The following TTYH3 variants were observed in gnomAD, a reference collection of about 807,000 sequenced individuals.
TTYH3 encodes protein tweety homolog 3.
In TTYH3, 23 loss-of-function variants were observed where a neutral mutation model predicts 68.2. The observed-to-expected ratio is 0.34, with a 90% confidence interval of 0.24 to 0.48. TTYH3 has a LOEUF of 0.48. Ranked by LOEUF, TTYH3 falls within the 20% of genes least tolerant of loss-of-function variation. The pLI is 0.99. For synonymous variants in TTYH3, 360 were observed against 332.8 expected, an observed-to-expected ratio of 1.08 and a Z score of -0.89; for missense variants, 768 against 727.7, an observed-to-expected ratio of 1.06 and a Z score of -0.64.
At position 2,649,712 on chromosome 7, in the gene TTYH3, C is replaced by T. The variant is rs1786108737; in HGVS notation, c.795+73C>T. ...GGGGGAGGGACGAGGGGAAGCCACA[C>T]TCCTCTCCCCTCCCATCTTCCCGGG... On this transcript the variant is annotated intron_variant, in intron 6 of 13. Transcript: ENST00000258796. 5 of 1,521,878 alleles carry T rather than the reference C, an allele frequency of 3.3e-6. No homozygotes were observed. In the South Asian group the frequency reaches 4.7e-5, roughly 14 times the overall value. The allele number at this position is 1,521,878 out of a possible 1,614,324, so 94.3% of individuals were successfully genotyped here.
intron 5 of TTYH3, among the ~76,000 whole-genome samples, chr7:2,649,326 C>T (rs368232948): frequency 5.3e-5 from 8 of 152,130 alleles, no homozygotes; most frequent in Admixed American, 3.9e-4. Flanking sequence ...CCAAGAGCCA[C>T]GTGGCCCTCC....
chr7:2,661,844 G>GGT lies in TTYH3; in HGVS notation c.*105_*106insGT. On this transcript the variant is annotated 3_prime_UTR_variant, in exon 14 of 14. Transcript: ENST00000258796. ...ACCGGACCCTCGCACGCCGTGCCAG[G>GGT]CCTGCCCCAGACGCGTCTGCAGGCC... The GGT allele has an allele frequency of 7.8e-7, 1 of 1,287,118 alleles. No homozygotes were observed. 79.7% of individuals were successfully genotyped at this position (1,287,118 alleles called of 1,614,324 possible).
At position 2,632,162 on chromosome 7, in the gene TTYH3, G is replaced by A; in HGVS notation, c.7G>A (p.Gly3Arg). MA[G>R]VSYAAPWWVS... ...GAGGCGGCCGGGCCCCGCCATGGCC[G>A]GGGTCAGCTACGCGGCGCCCTGGTG... The change falls in exon 1 of 14, where the codon GGG becomes AGG. Residue 3 changes from glycine (G) to arginine (R), a missense_variant. Coordinates refer to ENST00000258796, the MANE Select transcript of TTYH3 (RefSeq NM_025250.3). 1 of 1,458,412 alleles carries A rather than the reference G, an allele frequency of 6.9e-7. No homozygotes were observed. The highest frequency in any genetic ancestry group is 9.1e-7 in the Non-Finnish European group (1 of 1,094,672). 90.3% of individuals were successfully genotyped at this position (1,458,412 alleles called of 1,614,324 possible).
At chr7:2,653,551 C>G (rs1472124677) in intron 9 of TTYH3, among the ~76,000 whole-genome samples, 1 of 152,046 alleles carries the variant, frequency 6.6e-6, no homozygotes, top group African/African-American at 2.4e-5. Context: ...GGCATTTCTA[C>G]ATTACAATAT....
chr7:2,663,657 C>G lies in TTYH3; in HGVS notation c.*1918C>G, dbSNP rs1360062424. 6.6e-6 allele frequency: 1 copy of G among 152,644 alleles called. No homozygotes were observed. Among genetic ancestry groups the G allele is most frequent in the African/African-American group, 2.4e-5 (1 of 41,470 alleles). 9.5% of individuals were successfully genotyped at this position (152,644 alleles called of 1,614,324 possible). On this transcript the variant is annotated 3_prime_UTR_variant, in exon 14 of 14. Transcript: ENST00000258796. ...CCTAGGGCCAGGAGAGAGGCCCTGG[C>G]ACCCTGGCGTGGGTGCCCGCCAAAC...
At chr7:2,634,047 C>T (rs1288285114) in intron 1 of TTYH3, among the ~76,000 whole-genome samples, 1 of 152,220 alleles carries the variant, frequency 6.6e-6, no homozygotes, top group Non-Finnish European at 1.5e-5. Context: ...CTGCCCTGCG[C>T]TCTGCTCTGC....
chr7:2,641,710 T>C (rs914521681), intron 1 of TTYH3, among the ~76,000 whole-genome samples: 7 of 152,166 alleles, frequency 4.6e-5, no homozygotes, highest in African/African-American at 1.4e-4. Flanking sequence ...TGGGCCACCG[T>C]AGGAATGCCG....
chr7:2,643,534 TAGC>T (rs1022877109), intron 1 of TTYH3, among the ~76,000 whole-genome samples: 47 of 152,142 alleles, frequency 3.1e-4, no homozygotes, highest in African/African-American at 1.1e-3. Context: ...GCCTGGTGCT[TAGC>T]AGCCTCTCCC....
chr7:2,649,570 C>A lies in TTYH3; in HGVS notation c.726C>A (p.Val242=). ...IRSSKGILVG[V]CLLGVLALVI... Reference sequence around the variant, plus strand: ...TGACTGGCTGTCTCTGCCCCAGGGTCTGCCTGCTGGGAGTCCTGGCCCTGG... The same window carrying A: ...TGACTGGCTGTCTCTGCCCCAGGGTATGCCTGCTGGGAGTCCTGGCCCTGG... Residue 242 remains valine, a synonymous_variant, in exon 6 of 14, where the codon GTC becomes GTA. Coordinates refer to ENST00000258796, the MANE Select transcript of TTYH3 (RefSeq NM_025250.3). 1 of 1,585,742 alleles carries A rather than the reference C, an allele frequency of 6.3e-7. No homozygotes were observed. The highest frequency in any genetic ancestry group is 1.3e-5 in the African/African-American group (1 of 74,782).
chr7:2,661,615 C>A, intron 13 of TTYH3, 53 bp from the exon 14 acceptor site: 2 of 1,566,720 alleles, frequency 1.3e-6, no homozygotes, highest in Non-Finnish European at 1.7e-6. Flanking sequence ...GCGCCCCTGG[C>A]TGCGTGCGCC....
intron 1 of TTYH3, among the ~76,000 whole-genome samples, chr7:2,641,298 T>A (rs1482390013): frequency 6.6e-6 from 1 of 151,566 alleles, no homozygotes; most frequent in Non-Finnish European, 1.5e-5. Context: ...GGGCTGCATT[T>A]TGGGGGCTGC....
At chr7:2,657,180 C>T (rs1786357712) in intron 11 of TTYH3, among the ~76,000 whole-genome samples, 1 of 152,248 alleles carries the variant, frequency 6.6e-6, no homozygotes, top group South Asian at 2.1e-4. Flanking sequence ...TTCACCTCCT[C>T]TCCCACTTGG....
At chr7:2,642,752 T>TC (rs1394127120) in intron 1 of TTYH3, among the ~76,000 whole-genome samples, 1 of 149,004 alleles carries the variant, frequency 6.7e-6, no homozygotes, top group African/African-American at 2.5e-5. Context: ...TCTTTTCTTT[T>TC]TTTTTTTTTT....
intron 13 of TTYH3, 131 bp downstream of exon 13, chr7:2,659,146 C>T (rs1406990476): frequency 2.2e-6 from 2 of 908,516 alleles, no homozygotes; most frequent in Non-Finnish European, 1.7e-6. Flanking sequence ...GCTGCCACCA[C>T]CGGGGTCCCA....
At chr7:2,637,595 G>A (rs1380024839) in intron 1 of TTYH3, among the ~76,000 whole-genome samples, 1 of 152,200 alleles carries the variant, frequency 6.6e-6, no homozygotes, top group Non-Finnish European at 1.5e-5. Context: ...CTGCCCCACC[G>A]TCAGTTCTGC....
At chr7:2,635,045 C>A (rs1785621366) in intron 1 of TTYH3, among the ~76,000 whole-genome samples, 1 of 152,178 alleles carries the variant, frequency 6.6e-6, no homozygotes. Flanking sequence ...CAGCCAGTGA[C>A]TGTCGAGAGG....
chr7:2,641,106 C>T (rs1785829741), intron 1 of TTYH3, among the ~76,000 whole-genome samples: 1 of 152,176 alleles, frequency 6.6e-6, no homozygotes, highest in Non-Finnish European at 1.5e-5. Context: ...CCGAGCCACA[C>T]CCCAGCCCTG....
intron 12 of TTYH3, 111 bp downstream of exon 12, chr7:2,658,570 G>A (rs762030091): frequency 1.1e-4 from 146 of 1,355,438 alleles, no homozygotes; most frequent in South Asian, 3.0e-4. Context: ...GGCGGCCTCC[G>A]GGCTGGGCAG....
Position 2,656,517 on chromosome 7 carries a change from C to T in TTYH3, c.1233C>T (p.His411=), listed in dbSNP as rs889295806. 3.1e-6 allele frequency: 5 copies of T among 1,603,682 alleles called. No homozygotes were observed. The highest frequency in any genetic ancestry group is 1.7e-5 in the Admixed American group (1 of 58,666). Residue 411 remains histidine (H), a synonymous_variant, in exon 11 of 14, where the codon CAC becomes CAT. Transcript: ENST00000258796. Reference sequence around the variant, plus strand: ...GCTCCATCGTCTGCAGCGTCCCGCACACCTGGCAGCAAAAGAGGTGAGGGG... The same window carrying T: ...GCTCCATCGTCTGCAGCGTCCCGCATACCTGGCAGCAAAAGAGGTGAGGGG... ...MFSSIVCSVP[H]TWQQKRGPDE...
Sources: allele counts gnomAD v4.1 joint callset (sites outside exome capture counted in the v4.1 genomes callset), GRCh38; gene constraint gnomAD v4.1.1; transcripts MANE v1.5; gene names NCBI Gene and HGNC (gene_info 2026-07-23, HGNC 2026-07-21).